Variants in NUDCD3 observed in about 807,000 individuals in gnomAD.
NUDCD3 encodes NudC domain containing 3.
Under a neutral mutation model 39.7 loss-of-function variants are expected in NUDCD3, and 13 were observed. That is an observed-to-expected ratio of 0.33 (90% confidence interval 0.21 to 0.52). NUDCD3 has a LOEUF of 0.52. NUDCD3 is among the 20% of genes least tolerant of loss of function. NUDCD3 has a pLI of 0.96. For synonymous variants in NUDCD3, 175 were observed against 172.4 expected (o/e 1.02, Z -0.12); for missense variants, 453 against 458.1 (o/e 0.99, Z 0.10).
chr7:44,486,204 C>G (rs11769798), intron 1 of NUDCD3, among the ~76,000 whole-genome samples: 22,080 of 152,234 alleles, frequency 0.15, 1,968 homozygotes, highest in Non-Finnish European at 0.21. Context: ...AAGGCTGAGA[C>G]AGCAACCTGG....
chr7:44,398,738 G>A (rs560171227), intron 4 of NUDCD3, among the ~76,000 whole-genome samples: 5 of 152,164 alleles, frequency 3.3e-5, no homozygotes, highest in Admixed American at 6.5e-5. Flanking sequence ...CCGCGTGATC[G>A]AGACTGGGCC....
At chr7:44,482,826 T>C (rs1031693186) in intron 2 of NUDCD3, among the ~76,000 whole-genome samples, 15 of 152,078 alleles carry the variant, frequency 9.9e-5, no homozygotes, top group African/African-American at 3.1e-4. Flanking sequence ...AATTAGCAGA[T>C]AAAGACTTTA....
intron 2 of NUDCD3, among the ~76,000 whole-genome samples, chr7:44,458,443 T>C (rs1006490279): frequency 1.3e-5 from 2 of 152,206 alleles, no homozygotes; most frequent in Non-Finnish European, 2.9e-5. Context: ...GTGGATCACC[T>C]GAGGTCAGAA....
chr7:44,413,597 CAT>C (rs1471907828), intron 3 of NUDCD3, among the ~76,000 whole-genome samples: 6 of 152,302 alleles, frequency 3.9e-5, no homozygotes, highest in Middle Eastern at 3.4e-3. Context: ...TCATACTACA[CAT>C]AGATACTATT....
chr7:44,437,805 T>C (rs768615083), intron 2 of NUDCD3, among the ~76,000 whole-genome samples: 2 of 152,328 alleles, frequency 1.3e-5, no homozygotes, highest in Non-Finnish European at 2.9e-5. Context: ...AATACTCTGA[T>C]AGATTTAAAT....
chr7:44,401,233 A>AG (rs1248627848), intron 4 of NUDCD3, among the ~76,000 whole-genome samples: 1 of 152,242 alleles, frequency 6.6e-6, no homozygotes, highest in Non-Finnish European at 1.5e-5. Context: ...GACGTGATGC[A>AG]GCAAGCGGGA....
At chr7:44,466,515 G>A (rs1800122036) in intron 2 of NUDCD3, among the ~76,000 whole-genome samples, 1 of 152,188 alleles carries the variant, frequency 6.6e-6, no homozygotes, top group East Asian at 1.9e-4. Flanking sequence ...ACACCAATCT[G>A]TGAAGTGCTC....
intron 2 of NUDCD3, among the ~76,000 whole-genome samples, chr7:44,439,232 A>G (rs1799529822): frequency 6.6e-6 from 1 of 152,226 alleles, no homozygotes; most frequent in African/African-American, 2.4e-5. Flanking sequence ...CTGTTGGCCA[A>G]CAATTTGTCA....
chr7:44,447,356 C>T (rs1799707568), intron 2 of NUDCD3, among the ~76,000 whole-genome samples: 1 of 152,218 alleles, frequency 6.6e-6, no homozygotes, highest in Non-Finnish European at 1.5e-5. Context: ...GTATGTTTCC[C>T]ATCTACTATG....
At chr7:44,417,355 T>G (rs1332720575) in intron 3 of NUDCD3, among the ~76,000 whole-genome samples, 1 of 152,138 alleles carries the variant, frequency 6.6e-6, no homozygotes, top group African/African-American at 2.4e-5. Context: ...ACATCCCAGA[T>G]AGTCAACAAG....
chr7:44,447,214 C>T (rs1409788769), intron 2 of NUDCD3, among the ~76,000 whole-genome samples: 1 of 152,196 alleles, frequency 6.6e-6, no homozygotes, highest in Non-Finnish European at 1.5e-5. Context: ...AGTTTGACAG[C>T]CACAACGTTC....
chr7:44,411,230 C>T (rs28838932), intron 3 of NUDCD3, among the ~76,000 whole-genome samples: 24,119 of 151,150 alleles, frequency 0.16, 2,088 homozygotes, highest in Non-Finnish European at 0.19. Flanking sequence ...GGTTAGGCAA[C>T]GGGTTTTAGA....
In NUDCD3 at chr7:44,379,381, CGGGGT is replaced by C. The variant is rs1450921118; in HGVS notation, c.*6625_*6629del. 1.5e-3 allele frequency: 4 copies of C among 2,594 alleles called. No homozygotes were observed. In the Admixed American group the frequency reaches 0.021, roughly 13 times the overall value. 0.2% of individuals were successfully genotyped at this position (2,594 alleles called of 1,614,324 possible). On this transcript the variant is annotated 3_prime_UTR_variant, in exon 6 of 6. Coordinates refer to ENST00000355451, the MANE Select transcript of NUDCD3 (RefSeq NM_015332.4). ...AGATGAGGCAGTTGGCGGGGCGGGG[CGGGGT>C]GGGGGGGAACAGGGGACAGGGGTGG...
At chr7:44,430,720 G>A (rs1799348176) in intron 2 of NUDCD3, among the ~76,000 whole-genome samples, 1 of 152,104 alleles carries the variant, frequency 6.6e-6, no homozygotes, top group Non-Finnish European at 1.5e-5. Context: ...ATAATGCCGG[G>A]GGATATCCTT....
chr7:44,423,581 AC>A (rs1392820209), intron 3 of NUDCD3, among the ~76,000 whole-genome samples: 4 of 152,198 alleles, frequency 2.6e-5, no homozygotes, highest in African/African-American at 7.2e-5. Context: ...AATACAACTT[AC>A]AAGGGACATG....
At chr7:44,439,525 T>C (rs1480926811) in intron 2 of NUDCD3, among the ~76,000 whole-genome samples, 2 of 150,678 alleles carry the variant, frequency 1.3e-5, no homozygotes, top group Admixed American at 6.6e-5. Context: ...TGGCTGATTC[T>C]AGGACTGGAA....
chr7:44,401,709 T>C (rs183210839), intron 4 of NUDCD3, among the ~76,000 whole-genome samples: 1 of 152,272 alleles, frequency 6.6e-6, no homozygotes, highest in African/African-American at 2.4e-5. Flanking sequence ...TGCCCCTCAG[T>C]CTGCAATGGT....
Position 44,459,680 on chromosome 7 carries a change from T to C in NUDCD3, c.509+25288A>G, listed in dbSNP as rs1478350977. ...CTAACTGTCACACATCTATAACATA[T>C]GGTGGAGAAGAAGATACCATTGCTA... is the stretch of plus-strand genomic sequence containing the variant. On this transcript the variant is annotated intron_variant, in intron 2 of 5. Transcript: ENST00000355451. 4.6e-5 allele frequency among the ~76,000 whole-genome samples: 7 copies of C among 152,306 alleles called. No homozygotes were observed. The East Asian group carries it at 5.8e-4, about 13-fold the overall frequency.
intron 2 of NUDCD3, among the ~76,000 whole-genome samples, chr7:44,433,341 T>C (rs1177341958): frequency 6.6e-6 from 1 of 152,128 alleles, no homozygotes; most frequent in Admixed American, 6.5e-5. Context: ...GCACTATATG[T>C]GTGTGTGGGG....
Sources: gnomAD v4.1 joint callset for allele counts (sites outside exome capture counted in the v4.1 genomes callset) on GRCh38, gnomAD v4.1.1 for gene constraint, MANE v1.5 for transcripts, NCBI Gene and HGNC (gene_info 2026-07-23, HGNC 2026-07-21) for gene names.